The following BRINP1 variants were observed in gnomAD, a reference collection of about 807,000 sequenced individuals.
The protein encoded by BRINP1 is BMP/retinoic acid-inducible neural-specific protein 1.
A neutral mutation model predicts 72.9 loss-of-function variants in BRINP1; 17 were observed. The ratio of observed to expected loss-of-function variants is 0.23; its 90% confidence interval spans 0.16 to 0.35. BRINP1 has a LOEUF of 0.35. BRINP1 is among the 10% of genes least tolerant of loss of function. BRINP1 has a pLI of 1.00. For missense variants in BRINP1, 850 were observed against 1,001.6 expected (o/e 0.85, Z 2.04); for synonymous variants, 418 against 378.5 (o/e 1.10, Z -1.21).
intron 7 of BRINP1, among the ~76,000 whole-genome samples, chr9:119,180,478 CATGTGTGT>C (rs1332192693): frequency 0.02 from 2,354 of 120,380 alleles, 28 homozygotes; most frequent in African/African-American, 0.036. Flanking sequence ...TCTCTCTGTG[CATGTGTGT>C]GTGTGTGTGT....
chr9:119,183,033 T>C (rs1218673261), intron 7 of BRINP1, among the ~76,000 whole-genome samples: 1 of 152,080 alleles, frequency 6.6e-6, no homozygotes, highest in African/African-American at 2.4e-5. Flanking sequence ...GTCATCAAGG[T>C]TGTGGAACAA....
intron 2 of BRINP1, among the ~76,000 whole-genome samples, chr9:119,273,134 C>T (rs915812615): frequency 6.6e-6 from 1 of 152,154 alleles, no homozygotes; most frequent in African/African-American, 2.4e-5. Flanking sequence ...TAGTTATCTG[C>T]ATCAGGAGAC....
rs754403807 is a variant in BRINP1, at chr9:119,214,208, C to T, written c.686-53G>A. The T allele has an allele frequency of 5.1e-6, 7 of 1,364,718 alleles. No homozygotes were observed. The African/African-American group carries it at 1.0e-4, about 20-fold the overall frequency. 84.5% of individuals were successfully genotyped at this position (1,364,718 alleles called of 1,614,324 possible). On this transcript the variant is annotated intron_variant, in intron 5 of 7. Coordinates refer to ENST00000265922, the MANE Select transcript of BRINP1 (RefSeq NM_014618.3). ...CAGAAAGGTTTAAAAAAAGGTGTTT[C>T]ATTAACAATTTCCAAAGGTGATACA...
chr9:119,213,421 A>G (rs1325430698), intron 6 of BRINP1, among the ~76,000 whole-genome samples: 1 of 152,220 alleles, frequency 6.6e-6, no homozygotes, highest in Non-Finnish European at 1.5e-5. Context: ...ATACCAGAAA[A>G]GAGACTTTGA....
intron 2 of BRINP1, among the ~76,000 whole-genome samples, chr9:119,273,436 G>A (rs1830626299): frequency 6.6e-6 from 1 of 152,156 alleles, no homozygotes; most frequent in Non-Finnish European, 1.5e-5. Context: ...CAGGGGTTGT[G>A]AGGATTCGAG....
chr9:119,357,445 G>A (rs1008517710), intron 1 of BRINP1, among the ~76,000 whole-genome samples: 2 of 152,292 alleles, frequency 1.3e-5, no homozygotes, highest in Middle Eastern at 3.4e-3. Context: ...CTTGGCTGTG[G>A]CCCAGAGTTA....
chr9:119,277,539 C>T (rs1296229865), intron 2 of BRINP1, among the ~76,000 whole-genome samples: 1 of 152,130 alleles, frequency 6.6e-6, no homozygotes, highest in Non-Finnish European at 1.5e-5. Context: ...ATATTGGAAA[C>T]AGCTGCTAAG....
intron 7 of BRINP1, among the ~76,000 whole-genome samples, chr9:119,173,562 C>A (rs1398081526): frequency 6.6e-6 from 1 of 152,102 alleles, no homozygotes; most frequent in African/African-American, 2.4e-5. Flanking sequence ...ACTGGCCATA[C>A]TGCCCAAGGT....
chr9:119,331,895 A>G (rs17571908), intron 1 of BRINP1, among the ~76,000 whole-genome samples: 16,053 of 152,248 alleles, frequency 0.11, 1,156 homozygotes, highest in Non-Finnish European at 0.16. Flanking sequence ...CTCTCTAGTA[A>G]GAAGTGTATA....
chr9:119,184,971 A>C (rs371850035), intron 7 of BRINP1, among the ~76,000 whole-genome samples: 1 of 152,194 alleles, frequency 6.6e-6, no homozygotes, highest in Non-Finnish European at 1.5e-5. Flanking sequence ...CTCTAAACTG[A>C]CATTAATTCC....
chr9:119,334,928 G>A (rs962092157), intron 1 of BRINP1, among the ~76,000 whole-genome samples: 2 of 152,122 alleles, frequency 1.3e-5, no homozygotes, highest in African/African-American at 4.8e-5. Flanking sequence ...AAATATTACT[G>A]AAATGTTGGC....
intron 1 of BRINP1, among the ~76,000 whole-genome samples, chr9:119,316,184 T>G (rs1389750872): frequency 6.6e-6 from 1 of 152,160 alleles, no homozygotes; most frequent in Non-Finnish European, 1.5e-5. Flanking sequence ...CCTCCCGGGT[T>G]CAAGCAATTC....
At chr9:119,200,204 G>T (rs1465487304) in intron 7 of BRINP1, among the ~76,000 whole-genome samples, 2 of 152,124 alleles carry the variant, frequency 1.3e-5, no homozygotes, top group Admixed American at 6.6e-5. Context: ...TTTTTGAATG[G>T]CTATTGTGTG....
At chr9:119,193,153 T>G (rs569070083) in intron 7 of BRINP1, among the ~76,000 whole-genome samples, 1 of 152,240 alleles carries the variant, frequency 6.6e-6, no homozygotes, top group African/African-American at 2.4e-5. Context: ...TAAAATTTTT[T>G]TTATCGATAG....
intron 1 of BRINP1, among the ~76,000 whole-genome samples, chr9:119,345,559 T>C (rs1831441186): frequency 6.6e-6 from 1 of 152,202 alleles, no homozygotes; most frequent in South Asian, 2.1e-4. Context: ...TACTCATCCT[T>C]TAAGGTTCCA....
chr9:119,211,666 G>A (rs1300755037), intron 6 of BRINP1, among the ~76,000 whole-genome samples: 1 of 152,166 alleles, frequency 6.6e-6, no homozygotes, highest in Non-Finnish European at 1.5e-5. Flanking sequence ...AAATCACCTG[G>A]GCTGAGTAGC....
At chr9:119,335,442 A>G (rs1375867230) in intron 1 of BRINP1, among the ~76,000 whole-genome samples, 1 of 152,230 alleles carries the variant, frequency 6.6e-6, no homozygotes, top group African/African-American at 2.4e-5. Context: ...GACTCACTCA[A>G]CAGGTACCTA....
At chr9:119,299,017 G>A (rs185306558) in intron 2 of BRINP1, among the ~76,000 whole-genome samples, 12 of 151,986 alleles carry the variant, frequency 7.9e-5, no homozygotes, top group Admixed American at 2.0e-4. Flanking sequence ...TTGAGGAATG[G>A]CTCAATCAAA....
chr9:119,195,892 TC>T (rs1300192406), intron 7 of BRINP1, among the ~76,000 whole-genome samples: 1 of 152,202 alleles, frequency 6.6e-6, no homozygotes, highest in East Asian at 1.9e-4. Flanking sequence ...CACTTTTTTT[TC>T]CAAAGCTGTG....
Sources: gnomAD v4.1 joint callset for allele counts (sites outside exome capture counted in the v4.1 genomes callset) on GRCh38, gnomAD v4.1.1 for gene constraint, MANE v1.5 for transcripts, NCBI Gene and HGNC (gene_info 2026-07-23, HGNC 2026-07-21) for gene names.